ADAMTSL5: variants seen among roughly 807,000 people sequenced by gnomAD.
ADAMTSL5 encodes ADAMTS like 5.
In ADAMTSL5, 53 loss-of-function variants were observed where a neutral mutation model predicts 51.7. The ratio of observed to expected loss-of-function variants is 1.03; its 90% confidence interval spans 0.82 to 1.29. ADAMTSL5 has a LOEUF of 1.29. ADAMTSL5 is among the 50% of genes most tolerant of loss of function. The probability of loss-of-function intolerance (pLI) is 0.00; values close to 1 mark genes in which losing one functional copy is unlikely to be tolerated. For missense variants in ADAMTSL5, 770 were observed against 676.2 expected, an observed-to-expected ratio of 1.14 and a Z score of -1.54; for synonymous variants, 285 against 278.7, an observed-to-expected ratio of 1.02 and a Z score of -0.23.
At position 1,507,990 on chromosome 19, in the gene ADAMTSL5, G is replaced by T; in HGVS notation, c.601+8C>A. On this transcript the variant is annotated splice_region_variant and intron_variant, in intron 7 of 11. Coordinates refer to ENST00000330475, the MANE Select transcript of ADAMTSL5 (RefSeq NM_213604.3). ...CGTGTGTGCAGGGAGGGCGGGGCAG[G>T]TAGTCACCGGCGTCACGAAACACGC... 6.3e-7 allele frequency: 1 copy of T among 1,583,970 alleles called. No individual in the cohort carries two copies. The highest frequency in any genetic ancestry group is 1.1e-5 in the South Asian group (1 of 87,452).
rs1462461906 is a variant in ADAMTSL5, at chr19:1,508,331, A to T, written c.489+112T>A. ...TGGAAGGGGAGGGGGAAGGCGGTGG[A>T]GCCTAGGGAGGGGGTGGAGGCTAAT... On this transcript the variant is annotated intron_variant, in intron 6 of 11. Coordinates refer to ENST00000330475, the MANE Select transcript of ADAMTSL5 (RefSeq NM_213604.3). 1.0e-5 allele frequency: 11 copies of T among 1,061,770 alleles called. No homozygotes were observed. The African/African-American group carries it at 2.1e-4, about 21-fold the overall frequency. 65.8% of individuals were successfully genotyped at this position (1,061,770 alleles called of 1,614,324 possible). A position where few individuals can be genotyped will look rare whatever the true frequency, so the allele number is the denominator to read the frequency against.
intron 1 of ADAMTSL5, among the ~76,000 whole-genome samples, 194 bp downstream of exon 1, chr19:1,512,769 G>A (rs528103669): frequency 5.3e-5 from 8 of 152,194 alleles, no homozygotes; most frequent in Admixed American, 4.6e-4. Flanking sequence ...TTGAGGAGTG[G>A]GGGTCTAGGT....
At chr19:1,507,141 C>T (rs969959699) in intron 9 of ADAMTSL5, 101 bp downstream of exon 9, 72 of 1,457,366 alleles carry the variant, frequency 4.9e-5, no homozygotes, top group Non-Finnish European at 5.7e-5. Context: ...CCCAGACTCC[C>T]CCTTCTGGCC....
rs756753126 is a variant in ADAMTSL5, at chr19:1,508,449, G to C, written c.483C>G (p.Arg161=). 180 of 1,556,000 alleles carry C rather than the reference G, an allele frequency of 1.2e-4. No homozygotes were observed. The highest frequency in any genetic ancestry group is 1.5e-4 in the Non-Finnish European group (173 of 1,157,050). ...PGAQGVCVAG[R]CLSAGCDGLL... is the part of the protein sequence containing the mutation. ...GGGCCTGACGAGTCCTTACAAGGCA[G>C]CGGCCAGCCACGCAGACCCCCTGGG... Residue 161 remains arginine, a synonymous_variant, in exon 6 of 12, where the codon CGC becomes CGG. Transcript: ENST00000330475.
At chr19:1,512,710 G>A (rs1913325037) in intron 1 of ADAMTSL5, among the ~76,000 whole-genome samples, 1 of 152,176 alleles carries the variant, frequency 6.6e-6, no homozygotes. Flanking sequence ...AAAAAACAGG[G>A]GGAGGGGGCT....
rs746657943 is a variant in ADAMTSL5 at position 1,508,540 on chromosome 19, G to A, written c.392C>T (p.Ala131Val). Residue 131 changes from alanine to valine, a missense_variant, in exon 6 of 12, where the codon GCT (alanine) becomes GTT (valine). Transcript: ENST00000330475. ...GCTGTGGTAGAAGGCGTGCCCCTCAGCCAGGCAGTTGAGGTCGCACTGGTT... is the reference window on the plus strand; with the variant it reads ...GCTGTGGTAGAAGGCGTGCCCCTCAACCAGGCAGTTGAGGTCGCACTGGTT... Reference protein sequence around the residue: ...APNQCDLNCLAEGHAFYHSFG... With the variant: ...APNQCDLNCLVEGHAFYHSFG... 38 of 1,579,644 alleles carry A rather than the reference G, an allele frequency of 2.4e-5. No individual in the cohort carries two copies. The highest frequency in any genetic ancestry group is 3.2e-5 in the Non-Finnish European group (37 of 1,170,428).
rs893215789 is a variant in ADAMTSL5 at position 1,505,679 on chromosome 19, T to C, written c.*336A>G. ...AGGGTGTCATGCTCGTTCATGACAGTGTCTCCAAGCAAGTGTGACGCGCGC... is the reference window on the plus strand; with the variant it reads ...AGGGTGTCATGCTCGTTCATGACAGCGTCTCCAAGCAAGTGTGACGCGCGC... On this transcript the variant is annotated 3_prime_UTR_variant, in exon 12 of 12. Transcript: ENST00000330475. 1.2e-5 allele frequency: 3 copies of C among 243,116 alleles called. No individual in the cohort carries two copies. The highest frequency in any genetic ancestry group is 1.9e-4 in the South Asian group (2 of 10,490). 15.1% of individuals were successfully genotyped at this position (243,116 alleles called of 1,614,324 possible). A position where few individuals can be genotyped will look rare whatever the true frequency, so the allele number is the denominator to read the frequency against.
chr19:1,507,265 T>C lies in ADAMTSL5; in HGVS notation c.829A>G (p.Thr277Ala). The C allele has an allele frequency of 6.5e-7, 1 of 1,547,602 alleles. No homozygotes were observed. The highest frequency in any genetic ancestry group is 1.4e-5 in the African/African-American group (1 of 72,580). ...PQETLQAAGP[T>A]SHDLLLQVLL... ...ACCTGTAGGAGCAGGTCATGGGAGG[T>C]GGGCCCGGCTGCTTGCAATGTCTCC... Residue 277 changes from threonine to alanine, a missense_variant, in exon 9 of 12, where the codon ACC (threonine) becomes GCC (alanine). Coordinates refer to ENST00000330475, the MANE Select transcript of ADAMTSL5 (RefSeq NM_213604.3).
chr19:1,510,297 C>T, intron 4 of ADAMTSL5, 39 bp from the exon 5 acceptor site: 1 of 1,612,358 alleles, frequency 6.2e-7, no homozygotes, highest in Non-Finnish European at 8.5e-7. Context: ...CTGGGACAAC[C>T]CCAAGGGGCA....
chr19:1,510,666 A>C lies in ADAMTSL5; in HGVS notation c.164T>G (p.Val55Gly). Residue 55 changes from valine (V) to glycine (G), a missense_variant, in exon 3 of 12, where the codon GTC becomes GGC. By Grantham distance (109) the Val-to-Gly change is moderately radical. Coordinates refer to ENST00000330475, the MANE Select transcript of ADAMTSL5 (RefSeq NM_213604.3). Reference sequence around the variant, plus strand: ...GAGGCAGCGCCGGCTGCGCACAGAGACGCCACGCCCGCAGGAGCTGGAGCA... The same window carrying C: ...GAGGCAGCGCCGGCTGCGCACAGAGCCGCCACGCCCGCAGGAGCTGGAGCA... ...TRCSSSCGRG[V>G]SVRSRRCLRL... 6.5e-7 allele frequency: 1 copy of C among 1,540,092 alleles called. No individual in the cohort carries two copies. Among genetic ancestry groups the C allele is most frequent in the Non-Finnish European group, 8.8e-7 (1 of 1,142,310 alleles).
At chr19:1,510,524 C>A in intron 3 of ADAMTSL5, 96 bp from the exon 4 acceptor site, 3 of 1,503,914 alleles carry the variant, frequency 2.0e-6, no homozygotes, top group Non-Finnish European at 1.8e-6. Context: ...CGCATTCCAG[C>A]GGGATCAGGG....
chr19:1,508,613 G>C, intron 5 of ADAMTSL5, 43 bp from the exon 6 acceptor site: 1 of 1,471,458 alleles, frequency 6.8e-7, no homozygotes, highest in Non-Finnish European at 9.0e-7. Flanking sequence ...CCCTGTTCGA[G>C]CTCCAGTCCC....
At position 1,505,274 on chromosome 19, in the gene ADAMTSL5, G is replaced by A. The variant is rs1200526211; in HGVS notation, c.*741C>T. The stretch of plus-strand genomic sequence containing the variant: ...TTCCAGCTGCTGTGGAGGCTGAGGT[G>A]GGAGGATCGCTTGAGCCCAGGAATT... On this transcript the variant is annotated 3_prime_UTR_variant, in exon 12 of 12. Coordinates refer to ENST00000330475, the MANE Select transcript of ADAMTSL5 (RefSeq NM_213604.3). 2.0e-5 allele frequency: 3 copies of A among 152,082 alleles called. No individual in the cohort carries two copies. Among genetic ancestry groups the A allele is most frequent in the Non-Finnish European group, 2.9e-5 (2 of 68,108 alleles). 9.4% of individuals were successfully genotyped at this position (152,082 alleles called of 1,614,324 possible). A position where few individuals can be genotyped will look rare whatever the true frequency, so the allele number is the denominator to read the frequency against.
At chr19:1,512,796 C>T (rs930008754) in intron 1 of ADAMTSL5, among the ~76,000 whole-genome samples, 167 bp downstream of exon 1, 23 of 151,784 alleles carry the variant, frequency 1.5e-4, no homozygotes, top group Non-Finnish European at 2.7e-4. Flanking sequence ...AAGTGGGGGG[C>T]TACAAGGACC....
chr19:1,506,680 T>C lies in ADAMTSL5; in HGVS notation c.1043-19A>G. ...CAGGGGTCTGTGGGATGGGCGGTGCTGTGAGGGGCACAGGCCTCAGTCCCC... is the reference window on the plus strand; with the variant it reads ...CAGGGGTCTGTGGGATGGGCGGTGCCGTGAGGGGCACAGGCCTCAGTCCCC... On this transcript the variant is annotated intron_variant, in intron 10 of 11. Transcript: ENST00000330475. This position sits in a 1 kb window ranked among gnomAD's most constrained non-coding sequence, Gnocchi z 5.6. 6.3e-7 allele frequency: 1 copy of C among 1,592,260 alleles called. No homozygotes were observed.
rs553467881 is a variant in ADAMTSL5, at chr19:1,510,516, C to T, written c.192-88G>A. On this transcript the variant is annotated intron_variant, in intron 3 of 11. Coordinates refer to ENST00000330475, the MANE Select transcript of ADAMTSL5 (RefSeq NM_213604.3). ...CCTCCGCCCCCGCCAACCCCACCCGCATTCCAGCGGGATCAGGGGGATTAA... is the reference window on the plus strand; with the variant it reads ...CCTCCGCCCCCGCCAACCCCACCCGTATTCCAGCGGGATCAGGGGGATTAA... 4.6e-6 allele frequency: 7 copies of T among 1,509,472 alleles called. No homozygotes were observed. In the African/African-American group the frequency reaches 9.6e-5, roughly 21 times the overall value. The allele number at this position is 1,509,472 out of a possible 1,614,324, so 93.5% of individuals were successfully genotyped here. A position where few individuals can be genotyped will look rare whatever the true frequency, so the allele number is the denominator to read the frequency against.
At chr19:1,511,751 G>C (rs910026742) in intron 1 of ADAMTSL5, 40 of 436,184 alleles carry the variant, frequency 9.2e-5, no homozygotes, top group Non-Finnish European at 1.5e-4. Flanking sequence ...GGCCGGCAGG[G>C]GCTGGATCAG....
intron 9 of ADAMTSL5, 151 bp downstream of exon 9, chr19:1,507,091 T>G (rs962749818): frequency 6.4e-5 from 24 of 373,172 alleles, no homozygotes; most frequent in Non-Finnish European, 9.0e-5. Flanking sequence ...GTCCCCACCC[T>G]CCCCCCTCTG....
At position 1,506,338 on chromosome 19, in the gene ADAMTSL5, C is replaced by T; in HGVS notation, c.1115-22G>A. ...AACACTGTTGAGGGGACGTGCTAAGCTGGCTGGCTGCTCAACTCTGCGCAA... is the reference window on the plus strand; with the variant it reads ...AACACTGTTGAGGGGACGTGCTAAGTTGGCTGGCTGCTCAACTCTGCGCAA... On this transcript the variant is annotated intron_variant, in intron 11 of 11. Coordinates refer to ENST00000330475, the MANE Select transcript of ADAMTSL5 (RefSeq NM_213604.3). This position sits in a 1 kb window ranked among gnomAD's most constrained non-coding sequence, Gnocchi z 5.6. 1 of 1,540,118 alleles carries T rather than the reference C, an allele frequency of 6.5e-7. No homozygotes were observed. Among genetic ancestry groups the T allele is most frequent in the Non-Finnish European group, 8.8e-7 (1 of 1,142,348 alleles).
Sources: allele counts gnomAD v4.1 joint callset (sites outside exome capture counted in the v4.1 genomes callset), GRCh38; gene constraint gnomAD v4.1.1; non-coding constraint Gnocchi (gnomAD v3.1); transcripts MANE v1.5; gene names NCBI Gene and HGNC (gene_info 2026-07-23, HGNC 2026-07-21).